NEGR1: variants seen among roughly 807,000 people sequenced by gnomAD.
NEGR1 encodes IgLON family member 4.
In NEGR1, 10 loss-of-function variants were observed where a neutral mutation model predicts 40.9. The observed-to-expected ratio is 0.24, with a 90% CI of 0.15 to 0.42. The LOEUF (loss-of-function observed/expected upper bound fraction) is 0.42. Among genes scored for constraint, NEGR1 ranks in the 10% least tolerant of loss-of-function variants. NEGR1 has a pLI of 1.00. For synonymous variants in NEGR1, 185 were observed against 166.8 expected, an observed-to-expected ratio of 1.11 and a Z score of -0.84; for missense variants, 352 against 438.9, an observed-to-expected ratio of 0.80 and a Z score of 1.77.
intron 1 of NEGR1, among the ~76,000 whole-genome samples, chr1:72,201,383 T>C (rs1220661507): frequency 6.6e-6 from 1 of 151,766 alleles, no homozygotes; most frequent in African/African-American, 2.4e-5. Context: ...AAAATATCAG[T>C]ATTTTATTTG....
chr1:71,769,205 T>C (rs199921506), intron 3 of NEGR1, among the ~76,000 whole-genome samples: 1 of 152,138 alleles, frequency 6.6e-6, no homozygotes, highest in East Asian at 1.9e-4. Context: ...GGCTTATTAA[T>C]ACAATCATAT....
At chr1:71,427,475 TCTTA>T (rs1436415004) in intron 6 of NEGR1, among the ~76,000 whole-genome samples, 4 of 152,218 alleles carry the variant, frequency 2.6e-5, no homozygotes, top group Non-Finnish European at 5.9e-5. Context: ...ACAACTAATT[TCTTA>T]CTTTATATAT....
chr1:71,430,845 C>T (rs994724024), intron 6 of NEGR1, among the ~76,000 whole-genome samples: 39 of 151,412 alleles, frequency 2.6e-4, no homozygotes, highest in African/African-American at 9.0e-4. Flanking sequence ...CTGCAAGCTC[C>T]GTCTCCCGGG....
At chr1:71,486,922 T>C (rs897817608) in intron 6 of NEGR1, 8 of 151,568 alleles carry the variant, frequency 5.3e-5, no homozygotes, top group Non-Finnish European at 8.9e-5. Context: ...CAGTGTTCCA[T>C]ACTACACCCT....
chr1:71,900,089 G>C (rs1190266427), intron 2 of NEGR1, among the ~76,000 whole-genome samples: 1 of 152,144 alleles, frequency 6.6e-6, no homozygotes, highest in Non-Finnish European at 1.5e-5. Context: ...AAAAAATACA[G>C]TATACCACTG....
chr1:71,861,059 A>T (rs1261398729), intron 2 of NEGR1, among the ~76,000 whole-genome samples: 1 of 152,058 alleles, frequency 6.6e-6, no homozygotes, highest in African/African-American at 2.4e-5. Context: ...ACCATAGGGA[A>T]AAAGTTATTA....
chr1:71,877,845 C>A (rs941588999), intron 2 of NEGR1, among the ~76,000 whole-genome samples: 1 of 151,968 alleles, frequency 6.6e-6, no homozygotes, highest in African/African-American at 2.4e-5. Context: ...GTTGAGCTAC[C>A]CCAGTTCTAA....
At chr1:71,758,784 T>C (rs1237381042) in intron 3 of NEGR1, among the ~76,000 whole-genome samples, 1 of 152,122 alleles carries the variant, frequency 6.6e-6, no homozygotes, top group Non-Finnish European at 1.5e-5. Flanking sequence ...TTTTAAAAAA[T>C]CGTTATTAAG....
intron 2 of NEGR1, among the ~76,000 whole-genome samples, chr1:71,816,417 C>T (rs1047977956): frequency 1.3e-5 from 2 of 152,004 alleles, no homozygotes; most frequent in Non-Finnish European, 2.9e-5. Context: ...ACTCACAGTG[C>T]CACATGGCTA....
chr1:71,904,243 A>G (rs1661217667), intron 2 of NEGR1, among the ~76,000 whole-genome samples: 2 of 152,064 alleles, frequency 1.3e-5, no homozygotes, highest in African/African-American at 2.4e-5. Context: ...AATAGATATT[A>G]TTTAATAAAA....
At chr1:71,698,244 C>T (rs1211968924) in intron 3 of NEGR1, 105 bp from the exon 4 acceptor site, 14 of 940,704 alleles carry the variant, frequency 1.5e-5, no homozygotes, top group Non-Finnish European at 2.1e-5. Context: ...CAAAACAATT[C>T]CAAATGAAAC....
intron 3 of NEGR1, among the ~76,000 whole-genome samples, chr1:71,765,972 G>T (rs886616907): frequency 2.0e-5 from 3 of 151,996 alleles, no homozygotes; most frequent in Non-Finnish European, 2.9e-5. Context: ...TCAGGAGTTC[G>T]AGACCAACCT....
At chr1:72,091,569 C>G (rs574518634) in intron 1 of NEGR1, among the ~76,000 whole-genome samples, 1 of 151,932 alleles carries the variant, frequency 6.6e-6, no homozygotes, top group Non-Finnish European at 1.5e-5. Flanking sequence ...CCATAATAGA[C>G]AAGGCATGAT....
intron 3 of NEGR1, among the ~76,000 whole-genome samples, chr1:71,700,646 T>C (rs1450120526): frequency 1.3e-5 from 2 of 151,966 alleles, no homozygotes; most frequent in African/African-American, 4.8e-5. Flanking sequence ...ACCACAACTT[T>C]ACTGACTTAA....
At chr1:71,750,158 T>C (rs1316068389) in intron 3 of NEGR1, among the ~76,000 whole-genome samples, 1 of 150,740 alleles carries the variant, frequency 6.6e-6, no homozygotes, top group Non-Finnish European at 1.5e-5. Flanking sequence ...CGCGCCCGGC[T>C]AATTTTTTGT....
chr1:71,865,190 T>C (rs1001335496), intron 2 of NEGR1, among the ~76,000 whole-genome samples: 2 of 152,192 alleles, frequency 1.3e-5, no homozygotes, highest in Non-Finnish European at 2.9e-5. Context: ...AATATTTTCT[T>C]AGCCATACCT....
intron 6 of NEGR1, among the ~76,000 whole-genome samples, chr1:71,502,761 T>C (rs188136987): frequency 6.6e-6 from 1 of 152,188 alleles, no homozygotes; most frequent in African/African-American, 2.4e-5. Context: ...AGTAAGAAAA[T>C]TGGACTATAA....
Position 72,217,207 on chromosome 1 carries a change from C to T in NEGR1, c.176+65112G>A, listed in dbSNP as rs1051150373. On this transcript the variant is annotated intron_variant, in intron 1 of 6. Coordinates refer to ENST00000357731, the MANE Select transcript of NEGR1 (RefSeq NM_173808.3). ...AAGCGTATGGCAAAAATTAATACAGCCCTTTGTTTATAACAACAGAATAAA... is the reference window on the plus strand; with the variant it reads ...AAGCGTATGGCAAAAATTAATACAGTCCTTTGTTTATAACAACAGAATAAA... Among the ~76,000 whole-genome samples the T allele has an allele frequency of 5.3e-5, 8 of 151,690 alleles. No individual in the cohort carries two copies. The South Asian group carries it at 1.7e-3, about 31-fold the overall frequency.
chr1:71,994,973 G>A, intron 1 of NEGR1, among the ~76,000 whole-genome samples: 1 of 118,548 alleles, frequency 8.4e-6, no homozygotes. Context: ...GCATTAGGGA[G>A]ACCTAAATCT....
Sources: gnomAD v4.1 joint callset for allele counts (sites outside exome capture counted in the v4.1 genomes callset) on GRCh38, gnomAD v4.1.1 for gene constraint, MANE v1.5 for transcripts, NCBI Gene and HGNC (gene_info 2026-07-23, HGNC 2026-07-21) for gene names.